Variants in SLC37A3 observed in about 807,000 individuals in gnomAD.
SLC37A3 encodes the protein sugar phosphate exchanger 3.
Under a neutral mutation model 67.1 loss-of-function variants are expected in SLC37A3, and 51 were observed. That is an observed-to-expected ratio of 0.76 (90% CI 0.61 to 0.96). SLC37A3 has a LOEUF of 0.96. SLC37A3 is among the 40% of genes least tolerant of loss of function. The probability of loss-of-function intolerance (pLI) is 0.00; values close to 1 mark genes in which losing one functional copy is unlikely to be tolerated. For missense variants in SLC37A3, 508 were observed against 603.0 expected (o/e 0.84, Z 1.65); for synonymous variants, 214 against 231.4 (o/e 0.92, Z 0.68).
intron 3 of SLC37A3, among the ~76,000 whole-genome samples, chr7:140,375,444 C>T (rs1224735189): frequency 6.7e-6 from 1 of 149,834 alleles, no homozygotes; most frequent in African/African-American, 2.5e-5. Flanking sequence ...CATTGCACTC[C>T]AGCCTGAGCG....
intron 3 of SLC37A3, among the ~76,000 whole-genome samples, chr7:140,376,562 C>T (rs1310315431): frequency 4.6e-5 from 7 of 152,094 alleles, no homozygotes; most frequent in Admixed American, 4.6e-4. Flanking sequence ...ACTAAAGTTC[C>T]CTGTGTGAGT....
chr7:140,360,926 G>C (rs6978245), intron 5 of SLC37A3, among the ~76,000 whole-genome samples: 20,063 of 151,822 alleles, frequency 0.13, 1,586 homozygotes, highest in African/African-American at 0.2. Context: ...GGCTGTCCTT[G>C]TCTAGGGAAT....
At position 140,364,436 on chromosome 7, in the gene SLC37A3, G is replaced by GCAAATTCA; in HGVS notation, c.346_347insTGAATTTG (p.Ser116LeufsTer12). 6.2e-7 allele frequency: 1 copy of GCAAATTCA among 1,613,930 alleles called. No homozygotes were observed. On this transcript the variant is annotated frameshift_variant, in exon 5 of 15. Transcript: ENST00000326232. LOFTEE classifies it high-confidence loss of function. ...TAATGCAGAAGAGCACATGCCAAAAGACAGAACCCATCGCAAATTCAACCG... is the reference window on the plus strand; with the variant it reads ...TAATGCAGAAGAGCACATGCCAAAAGCAAATTCAACAGAACCCATCGCAAATTCAACCG...
chr7:140,343,404 T>C lies in SLC37A3; in HGVS notation c.1326+8A>G, dbSNP rs760890603. ...ACTAGAATCCCAGCCCCTCTCCTGT[T>C]CTCTCACCTGGCCCACTGCAGCTCC... On this transcript the variant is annotated splice_region_variant and intron_variant, in intron 13 of 14. Coordinates refer to ENST00000326232, the MANE Select transcript of SLC37A3 (RefSeq NM_207113.3). 1.2e-6 allele frequency: 2 copies of C among 1,612,530 alleles called. No homozygotes were observed. The highest frequency in any genetic ancestry group is 1.7e-6 in the Non-Finnish European group (2 of 1,179,416).
At chr7:140,364,251 CG>C (rs11266814) in intron 5 of SLC37A3, among the ~76,000 whole-genome samples, 156 bp downstream of exon 5, 79,230 of 149,622 alleles carry the variant, frequency 0.53, 21,162 homozygotes, top group South Asian at 0.63. Context: ...GATTCTGTCT[CG>C]GGGGGGAAAA....
In SLC37A3 at chr7:140,335,051, C is replaced by T. The variant is rs539425434; in HGVS notation, c.*361G>A. 240 of 638,908 alleles carry T rather than the reference C, an allele frequency of 3.8e-4. No individual in the cohort carries two copies. Among genetic ancestry groups the T allele is most frequent in the South Asian group, 2.4e-3 (122 of 50,100 alleles). The allele number at this position is 638,908 out of a possible 1,614,324, so 39.6% of individuals were successfully genotyped here. A position where few individuals can be genotyped will look rare whatever the true frequency, so the allele number is the denominator to read the frequency against. ...CACGCGTGGCTTTGCCTCCTGTTCA[C>T]TCCATTTTCAAGGCTAGAGAAAGTT... is the stretch of plus-strand genomic sequence containing the variant. On this transcript the variant is annotated 3_prime_UTR_variant, in exon 15 of 15. Transcript: ENST00000326232.
chr7:140,362,827 G>A (rs796198024), intron 5 of SLC37A3, among the ~76,000 whole-genome samples: 1,546 of 68,418 alleles, frequency 0.023, 22 homozygotes, highest in African/African-American at 0.035. Flanking sequence ...GGTGAGGGGC[G>A]CCTCTGCCCG....
intron 7 of SLC37A3, among the ~76,000 whole-genome samples, chr7:140,353,274 G>A (rs1796886696): frequency 6.6e-6 from 1 of 152,042 alleles, no homozygotes; most frequent in South Asian, 2.1e-4. Context: ...CCTGAGGTCA[G>A]GAGTTCAAGA....
In SLC37A3 at chr7:140,355,625, C is replaced by A. The variant is rs748832275; in HGVS notation, c.618+43G>T. The A allele has an allele frequency of 6.2e-4, 882 of 1,426,376 alleles. 2 individuals are homozygous for A. Among genetic ancestry groups the A allele is most frequent in the Non-Finnish European group, 7.7e-4 (799 of 1,031,420 alleles). 88.4% of individuals were successfully genotyped at this position (1,426,376 alleles called of 1,614,324 possible). ...ATAAAAAGCAATACACATGTGCACA[C>A]AGAGAGAGAGAGAGAGCACCAGAGC... is the stretch of plus-strand genomic sequence containing the variant. On this transcript the variant is annotated intron_variant, in intron 7 of 14. Coordinates refer to ENST00000326232, the MANE Select transcript of SLC37A3 (RefSeq NM_207113.3).
At chr7:140,346,379 C>CA (rs113187896) in intron 10 of SLC37A3, among the ~76,000 whole-genome samples, 7 of 149,010 alleles carry the variant, frequency 4.7e-5, no homozygotes, top group East Asian at 2.0e-4. Flanking sequence ...GACTCTGTCT[C>CA]AAAAAAAAAT....
Position 140,333,943 on chromosome 7 carries a change from CTCAA to C in SLC37A3, c.*1465_*1468del, listed in dbSNP as rs1431093499. 6.6e-6 allele frequency: 1 copy of C among 152,592 alleles called. No individual in the cohort carries two copies. Among genetic ancestry groups the C allele is most frequent in the Non-Finnish European group, 1.5e-5 (1 of 68,034 alleles). 9.5% of individuals were successfully genotyped at this position (152,592 alleles called of 1,614,324 possible). On this transcript the variant is annotated 3_prime_UTR_variant, in exon 15 of 15. Transcript: ENST00000326232. ...CTAACCGAATGCAAATTAGGTATCC[CTCAA>C]AATTGCACATTCTCCTCCTAGTTTG...
intron 2 of SLC37A3, among the ~76,000 whole-genome samples, chr7:140,381,454 G>A (rs1355945115): frequency 1.3e-5 from 2 of 151,982 alleles, no homozygotes; most frequent in Admixed American, 1.3e-4. Context: ...GATCCCGGGA[G>A]TTCGAGGCTG....
rs1232499798 is a variant in SLC37A3 at position 140,390,830 on chromosome 7, ACCTCAACAAGGCTC to A, written c.-71+7572_-71+7585del. Among the ~76,000 whole-genome samples the A allele has an allele frequency of 2.6e-5, 4 of 152,058 alleles. No homozygotes were observed. The East Asian group carries it at 7.7e-4, about 29-fold the overall frequency. ...TATACCACACCTCAACAGTCATCTG[ACCTCAACAAGGCTC>A]CCAATTCAGTAGCCTTGTTTTTCCC... On this transcript the variant is annotated intron_variant, in intron 1 of 14. Coordinates refer to ENST00000326232, the MANE Select transcript of SLC37A3 (RefSeq NM_207113.3).
At chr7:140,353,068 C>T (rs1441317043) in intron 7 of SLC37A3, among the ~76,000 whole-genome samples, 3 of 152,130 alleles carry the variant, frequency 2.0e-5, no homozygotes, top group Non-Finnish European at 4.4e-5. Context: ...CCTAACTACA[C>T]CAAAATTCTT....
At position 140,358,727 on chromosome 7, in the gene SLC37A3, C is replaced by T. The variant is rs1374422881; in HGVS notation, c.434G>A (p.Cys145Tyr). 1 of 1,614,148 alleles carries T rather than the reference C, an allele frequency of 6.2e-7. No homozygotes were observed. The highest frequency in any genetic ancestry group is 8.5e-7 in the Non-Finnish European group (1 of 1,180,032). Residue 145 changes from cysteine (C) to tyrosine (Y), a missense_variant, in exon 6 of 15, where the codon TGC becomes TAC. Transcript: ENST00000326232. Reference protein sequence around the residue: ...WLRFYNKWLYCCLWIVNGLLQ... With the variant: ...WLRFYNKWLYYCLWIVNGLLQ... Reference sequence around the variant, plus strand: ...CAGGCCGTTCACAATCCACAGGCAGCAGTACAGCCATTTGTTGTAGAAACG... The same window carrying T: ...CAGGCCGTTCACAATCCACAGGCAGTAGTACAGCCATTTGTTGTAGAAACG...
chr7:140,376,318 T>G (rs544068285), intron 3 of SLC37A3, among the ~76,000 whole-genome samples: 1 of 152,324 alleles, frequency 6.6e-6, no homozygotes, highest in Admixed American at 6.5e-5. Flanking sequence ...CAGATCAGTA[T>G]GACTATACTA....
At chr7:140,392,908 A>G (rs971658039) in intron 1 of SLC37A3, among the ~76,000 whole-genome samples, 1 of 152,182 alleles carries the variant, frequency 6.6e-6, no homozygotes, top group South Asian at 2.1e-4. Context: ...CCGGGCCAAC[A>G]TGATGAAACT....
chr7:140,388,382 G>A (rs1015616604), intron 1 of SLC37A3, among the ~76,000 whole-genome samples: 5 of 151,178 alleles, frequency 3.3e-5, no homozygotes, highest in Non-Finnish European at 4.4e-5. Context: ...TCAGTGAGCC[G>A]AGATTGTGCC....
chr7:140,387,062 C>G (rs960388524), intron 1 of SLC37A3, among the ~76,000 whole-genome samples: 3 of 152,122 alleles, frequency 2.0e-5, no homozygotes, highest in Admixed American at 6.6e-5. Context: ...ATGACTCAAT[C>G]AAGCTAGTTA....
Sources: allele counts gnomAD v4.1 joint callset (sites outside exome capture counted in the v4.1 genomes callset), GRCh38; gene constraint gnomAD v4.1.1; transcripts MANE v1.5; gene names NCBI Gene and HGNC (gene_info 2026-07-23, HGNC 2026-07-21).